The following STXBP4 variants were observed in gnomAD, a reference collection of about 807,000 sequenced individuals.
STXBP4 encodes syntaxin binding protein 4.
A neutral mutation model predicts 76.1 loss-of-function variants in STXBP4; 55 were observed. That is an observed-to-expected ratio of 0.72 (90% CI 0.58 to 0.91). The LOEUF (loss-of-function observed/expected upper bound fraction) is 0.91. Among genes scored for constraint, STXBP4 ranks in the 40% least tolerant of loss-of-function variants. STXBP4 has a pLI of 0.00. For synonymous variants in STXBP4, 201 were observed against 220.2 expected (o/e 0.91, Z 0.77); for missense variants, 618 against 636.9 (o/e 0.97, Z 0.32).
At chr17:55,014,749 G>A (rs959657241) in intron 8 of STXBP4, among the ~76,000 whole-genome samples, 13 of 152,118 alleles carry the variant, frequency 8.5e-5, no homozygotes, top group African/African-American at 3.1e-4. Context: ...TGACATAAGG[G>A]GTATGGACAA....
intron 16 of STXBP4, among the ~76,000 whole-genome samples, chr17:55,099,865 G>GA (rs879482121): frequency 6.6e-6 from 1 of 152,136 alleles, no homozygotes; most frequent in Non-Finnish European, 1.5e-5. Flanking sequence ...ACCATCTGCT[G>GA]AGACTTTCTG....
At chr17:55,007,674 A>T in intron 8 of STXBP4, 77 bp downstream of exon 8, 1 of 1,130,688 alleles carries the variant, frequency 8.8e-7, no homozygotes, top group Admixed American at 2.2e-5. Flanking sequence ...TGAGAGGATA[A>T]AGTACTGGAG....
At chr17:55,195,713 G>A in the STXBP4 span, among the ~76,000 whole-genome samples, 6 of 152,200 alleles carry the variant, frequency 3.9e-5, no homozygotes, top group African/African-American at 1.4e-4. Context: ...TGGGATTACA[G>A]GTGTGAGCCA....
At chr17:55,061,889 T>C (rs1273878166) in intron 12 of STXBP4, among the ~76,000 whole-genome samples, 1 of 152,130 alleles carries the variant, frequency 6.6e-6, no homozygotes, top group African/African-American at 2.4e-5. Context: ...TCCATGTCAG[T>C]TTCCTAGTTG....
the STXBP4 span, among the ~76,000 whole-genome samples, chr17:55,203,223 C>T: frequency 6.6e-6 from 1 of 152,256 alleles, no homozygotes; most frequent in South Asian, 2.1e-4. Context: ...CCTTTAGGAA[C>T]TAGGTCCTCT....
intron 3 of STXBP4, among the ~76,000 whole-genome samples, chr17:54,990,333 C>T (rs1256584508): frequency 6.6e-6 from 1 of 152,130 alleles, no homozygotes; most frequent in Non-Finnish European, 1.5e-5. Context: ...AGCATTACTG[C>T]CTGAGCTCTG....
intron 3 of STXBP4, among the ~76,000 whole-genome samples, chr17:54,987,236 A>G (rs541025821): frequency 6.6e-6 from 1 of 152,322 alleles, no homozygotes. Context: ...TCTTGCTGTT[A>G]TTCTAGTCTT....
chr17:55,028,381 A>G (rs2078451292), intron 8 of STXBP4, among the ~76,000 whole-genome samples: 1 of 152,178 alleles, frequency 6.6e-6, no homozygotes, highest in African/African-American at 2.4e-5. Context: ...CAGAATAGAA[A>G]GGAGTAATAT....
At chr17:55,136,444 G>T (rs1040502041) in intron 16 of STXBP4, among the ~76,000 whole-genome samples, 3 of 152,036 alleles carry the variant, frequency 2.0e-5, no homozygotes, top group Non-Finnish European at 2.9e-5. Context: ...TATATTAAAA[G>T]AAATGGTAAT....
chr17:55,148,369 G>A (rs2145168855), intron 17 of STXBP4, among the ~76,000 whole-genome samples: 1 of 152,266 alleles, frequency 6.6e-6, no homozygotes, highest in Non-Finnish European at 1.5e-5. Flanking sequence ...CGTTTCTTAG[G>A]CCCTAACTTT....
chr17:55,103,371 C>T (rs994154568), intron 16 of STXBP4, among the ~76,000 whole-genome samples: 7 of 152,088 alleles, frequency 4.6e-5, no homozygotes, highest in East Asian at 1.9e-4. Flanking sequence ...TTCCCAACAC[C>T]GTTTATTAAA....
chr17:55,156,726 G>C (rs2080281832), intron 17 of STXBP4, among the ~76,000 whole-genome samples: 1 of 152,130 alleles, frequency 6.6e-6, no homozygotes, highest in Non-Finnish European at 1.5e-5. Context: ...TGATGCTTAG[G>C]TGTGTGCGTG....
intron 8 of STXBP4, among the ~76,000 whole-genome samples, chr17:55,011,508 C>CTTTTTTTTTTTTTTT (rs3080154): frequency 0.04 from 3,402 of 85,586 alleles, 168 homozygotes; most frequent in East Asian, 0.042. Context: ...TTTTCTTTTT[C>CTTTTTTTTTTTTTTT]TTTTTTTTTT....
Position 55,031,152 on chromosome 17 carries a change from G to A in STXBP4, c.667-16G>A. On this transcript the variant is annotated splice_polypyrimidine_tract_variant and intron_variant, in intron 8 of 17. Transcript: ENST00000376352. ...AGATTTGAAAAATTGCTTTTCATGA[G>A]TCCTTTATCTTCCAGGCTCTAAATT... 1 of 1,603,112 alleles carries A rather than the reference G, an allele frequency of 6.2e-7. No homozygotes were observed. Among genetic ancestry groups the A allele is most frequent in the Non-Finnish European group, 8.5e-7 (1 of 1,171,124 alleles).
the STXBP4 span, among the ~76,000 whole-genome samples, chr17:55,190,619 G>A: frequency 6.6e-6 from 1 of 152,072 alleles, no homozygotes; most frequent in Non-Finnish European, 1.5e-5. Context: ...CATAAATAAA[G>A]GGTTTTGAAA....
At chr17:55,084,078 C>G (rs1471887733) in intron 16 of STXBP4, among the ~76,000 whole-genome samples, 2 of 152,078 alleles carry the variant, frequency 1.3e-5, no homozygotes, top group Non-Finnish European at 2.9e-5. Context: ...AATGGTTGAA[C>G]TAGTTTACAG....
chr17:55,001,723 C>G (rs2077920346), intron 7 of STXBP4, among the ~76,000 whole-genome samples: 1 of 152,184 alleles, frequency 6.6e-6, no homozygotes, highest in Non-Finnish European at 1.5e-5. Context: ...AGTTCCGCCT[C>G]CTGGGTTCAC....
chr17:55,046,401 T>C (rs1261467312), intron 11 of STXBP4, among the ~76,000 whole-genome samples: 1 of 151,974 alleles, frequency 6.6e-6, no homozygotes, highest in Non-Finnish European at 1.5e-5. Flanking sequence ...CCACTCAATT[T>C]AATGTTCGAG....
chr17:55,047,660 A>C (rs973386173), intron 12 of STXBP4, among the ~76,000 whole-genome samples: 2 of 151,894 alleles, frequency 1.3e-5, no homozygotes, highest in African/African-American at 2.4e-5. Flanking sequence ...TGACAATATC[A>C]TAAAATGAAA....
Sources: allele counts gnomAD v4.1 joint callset (sites outside exome capture counted in the v4.1 genomes callset), GRCh38; gene constraint gnomAD v4.1.1; transcripts MANE v1.5; gene names NCBI Gene and HGNC (gene_info 2026-07-23, HGNC 2026-07-21).